Variants in SEC23IP observed in about 807,000 individuals in gnomAD.
SEC23IP encodes the protein SEC23-interacting protein.
A neutral mutation model predicts 113.4 loss-of-function variants in SEC23IP; 70 were observed. That is an observed-to-expected ratio of 0.62 (90% CI 0.51 to 0.75). The LOEUF is 0.75. Ranked by LOEUF, SEC23IP falls within the 30% of genes least tolerant of loss-of-function variation. SEC23IP has a pLI of 0.00. For synonymous variants in SEC23IP, 398 were observed against 421.0 expected (o/e 0.95, Z 0.67); for missense variants, 1,160 against 1,204.9 (o/e 0.96, Z 0.55).
rs1292604170 is a variant in SEC23IP at position 119,940,605 on chromosome 10, A to G, written c.*40A>G. On this transcript the variant is annotated 3_prime_UTR_variant, in exon 19 of 19. Transcript: ENST00000369075. ...TTTAAGACTTTCTTGTCTGCACAGA[A>G]AGTCCCAGTACAACTTCCATTGCTG... 6.6e-6 allele frequency: 1 copy of G among 151,954 alleles called. No individual in the cohort carries two copies. The highest frequency in any genetic ancestry group is 1.5e-5 in the Non-Finnish European group (1 of 67,996). 9.4% of individuals were successfully genotyped at this position (151,954 alleles called of 1,614,324 possible).
intron 18 of SEC23IP, among the ~76,000 whole-genome samples, chr10:119,938,869 T>G (rs2134545225): frequency 6.6e-6 from 1 of 152,348 alleles, no homozygotes; most frequent in African/African-American, 2.4e-5. Flanking sequence ...GAATTTAAGT[T>G]TCTAATACTA....
At position 119,917,916 on chromosome 10, in the gene SEC23IP, A is replaced by G; in HGVS notation, c.1625A>G (p.Tyr542Cys). 2 of 1,614,044 alleles carry G rather than the reference A, an allele frequency of 1.2e-6. No homozygotes were observed. The highest frequency in any genetic ancestry group is 1.7e-6 in the Non-Finnish European group (2 of 1,179,948). Residue 542 changes from tyrosine (Y) to cysteine (C), a missense_variant, in exon 9 of 19, where the codon TAT becomes TGT. Transcript: ENST00000369075. ...TNETLLDILF[Y>C]NSPTYCQTIV... ...GAAACTTTGCTAGATATTTTATTTT[A>G]TAACAGCCCCACCTACTGTCAGACA...
intron 10 of SEC23IP, 79 bp downstream of exon 10, chr10:119,918,590 C>T: frequency 1.2e-6 from 1 of 828,158 alleles, no homozygotes; most frequent in Non-Finnish European, 2.0e-6. Flanking sequence ...TGAACTGTTT[C>T]TTGAAACTTT....
chr10:119,894,911 T>TGA (rs1274384399), intron 1 of SEC23IP, among the ~76,000 whole-genome samples: 6 of 151,506 alleles, frequency 4.0e-5, no homozygotes, highest in East Asian at 1.9e-4. Context: ...TGTGTGTGTG[T>TGA]GTGTGTGTGT....
chr10:119,915,672 A>T (rs1194717091), intron 7 of SEC23IP, 76 bp from the exon 8 acceptor site: 2 of 1,025,630 alleles, frequency 2.0e-6, no homozygotes, highest in Non-Finnish European at 2.6e-6. Context: ...ATACTGGCAT[A>T]TTTGAGGTAA....
intron 13 of SEC23IP, among the ~76,000 whole-genome samples, chr10:119,929,042 A>C (rs188856526): frequency 5.0e-4 from 76 of 152,362 alleles, no homozygotes; most frequent in South Asian, 2.1e-3. Context: ...AACTTGCCCA[A>C]GGTCACACAG....
At chr10:119,912,648 T>C (rs974607882) in intron 6 of SEC23IP, among the ~76,000 whole-genome samples, 39 of 150,794 alleles carry the variant, frequency 2.6e-4, no homozygotes, top group African/African-American at 3.9e-4. Context: ...TTTTCTTTTT[T>C]TTTTTTTTTT....
rs562307618 is a variant in SEC23IP at position 119,919,429 on chromosome 10, C to CT, written c.1873-5dup. 2,422 of 1,401,086 alleles carry CT rather than the reference C, an allele frequency of 1.7e-3. No individual in the cohort carries two copies. Among genetic ancestry groups the CT allele is most frequent in the South Asian group, 3.7e-3 (273 of 73,396 alleles). The allele number at this position is 1,401,086 out of a possible 1,614,324, so 86.8% of individuals were successfully genotyped here. A position where few individuals can be genotyped will look rare whatever the true frequency, so the allele number is the denominator to read the frequency against. The stretch of plus-strand genomic sequence containing the variant: ...TTCTGAGCTTGTAATGTTTTTCATA[C>CT]TTTTTTTTTTAAAGATGCCTGAAGA... On this transcript the variant is annotated splice_polypyrimidine_tract_variant and intron_variant, in intron 10 of 18. Coordinates refer to ENST00000369075, the MANE Select transcript of SEC23IP (RefSeq NM_007190.4).
At chr10:119,916,169 T>C (rs1179040024) in intron 8 of SEC23IP, among the ~76,000 whole-genome samples, 1 of 152,194 alleles carries the variant, frequency 6.6e-6, no homozygotes, top group Non-Finnish European at 1.5e-5. Context: ...CTGTCCTTTA[T>C]GTAGTAGGAT....
In SEC23IP at chr10:119,898,575, A is replaced by G. The variant is rs1275173538; in HGVS notation, c.312A>G (p.Ala104=). Residue 104 remains alanine (A), a synonymous_variant, in exon 2 of 19, where the codon GCA becomes GCG. Transcript: ENST00000369075. ...GNIGQSPLTT[A]ATSVGQSGFP... is the part of the protein sequence containing the mutation. ...TTGGACAGTCACCATTAACAACTGC[A>G]GCAACCTCAGTTGGACAATCAGGAT... The G allele has an allele frequency of 6.2e-7, 1 of 1,614,200 alleles. No individual in the cohort carries two copies. Among genetic ancestry groups the G allele is most frequent in the Non-Finnish European group, 8.5e-7 (1 of 1,180,020 alleles).
chr10:119,906,342 A>G (rs1854665004), intron 4 of SEC23IP, among the ~76,000 whole-genome samples: 1 of 151,664 alleles, frequency 6.6e-6, no homozygotes, highest in Non-Finnish European at 1.5e-5. Context: ...GCACTATCAT[A>G]AAAGATGTCA....
intron 18 of SEC23IP, among the ~76,000 whole-genome samples, chr10:119,937,192 T>C (rs1245973290): frequency 2.0e-5 from 3 of 152,048 alleles, no homozygotes; most frequent in Non-Finnish European, 2.9e-5. Context: ...TTTTCTTTCT[T>C]ATGGATTTAT....
chr10:119,924,692 C>T (rs527340207), intron 12 of SEC23IP, among the ~76,000 whole-genome samples: 23 of 152,188 alleles, frequency 1.5e-4, no homozygotes, highest in Non-Finnish European at 2.4e-4. Context: ...GGATTACAAG[C>T]GTCAGCCACT....
intron 12 of SEC23IP, among the ~76,000 whole-genome samples, chr10:119,924,656 G>A (rs545581459): frequency 1.1e-4 from 17 of 151,854 alleles, no homozygotes; most frequent in East Asian, 7.7e-4. Context: ...CAGATGATTC[G>A]CCCGCCTCGG....
chr10:119,904,334 T>C, intron 4 of SEC23IP, 57 bp downstream of exon 4: 3 of 1,440,782 alleles, frequency 2.1e-6, no homozygotes, highest in Non-Finnish European at 2.9e-6. Flanking sequence ...CCTATATACA[T>C]TGGTGAGTAA....
At chr10:119,931,269 C>T (rs1855589749) in intron 15 of SEC23IP, among the ~76,000 whole-genome samples, 1 of 100,436 alleles carries the variant, frequency 1.0e-5, no homozygotes, top group Non-Finnish European at 1.9e-5. Flanking sequence ...GAGACTCCGT[C>T]TCAAAAAAAA....
chr10:119,933,159 A>T lies in SEC23IP; in HGVS notation c.2913A>T (p.Leu971Phe). ...NEYLFALQSHLCYWESEDTAL... is the reference protein window; with the variant it reads ...NEYLFALQSHFCYWESEDTAL... ...ACCTTTTCGCTCTTCAGAGTCACTTATGCTATTGGTAAGTGTTCTTAAATT... is the reference window on the plus strand; with the variant it reads ...ACCTTTTCGCTCTTCAGAGTCACTTTTGCTATTGGTAAGTGTTCTTAAATT... Residue 971 changes from leucine (L) to phenylalanine (F), a missense_variant, in exon 17 of 19, where the codon TTA becomes TTT. Leu to Phe is a conservative substitution (Grantham distance 22). Coordinates refer to ENST00000369075, the MANE Select transcript of SEC23IP (RefSeq NM_007190.4). The T allele has an allele frequency of 1.9e-6, 3 of 1,613,762 alleles. No individual in the cohort carries two copies. Among genetic ancestry groups the T allele is most frequent in the Middle Eastern group, 3.3e-4 (2 of 6,062 alleles).
At chr10:119,896,815 C>A (rs1854299460) in intron 1 of SEC23IP, among the ~76,000 whole-genome samples, 1 of 149,692 alleles carries the variant, frequency 6.7e-6, no homozygotes, top group Admixed American at 6.7e-5. Context: ...TGGGAATGAA[C>A]TAAGAAATAC....
chr10:119,936,287 C>T (rs898215706), intron 18 of SEC23IP, among the ~76,000 whole-genome samples: 7 of 151,906 alleles, frequency 4.6e-5, no homozygotes, highest in African/African-American at 1.2e-4. Context: ...TGGCTGGGTG[C>T]GGTGGCTCAT....
Sources: gnomAD v4.1 joint callset for allele counts (sites outside exome capture counted in the v4.1 genomes callset) on GRCh38, gnomAD v4.1.1 for gene constraint, MANE v1.5 for transcripts, NCBI Gene and HGNC (gene_info 2026-07-23, HGNC 2026-07-21) for gene names.